PLEKHG4B: variants seen among roughly 807,000 people sequenced by gnomAD.
PLEKHG4B encodes pleckstrin homology and RhoGEF domain containing G4B, also known as pleckstrin homology domain-containing family G member 4B.
Under a neutral mutation model 121.3 loss-of-function variants are expected in PLEKHG4B, and 111 were observed. The ratio of observed to expected loss-of-function variants is 0.92; its 90% CI spans 0.78 to 1.07. PLEKHG4B has a LOEUF of 1.07. Ranked by LOEUF, PLEKHG4B falls within the 50% of genes least tolerant of loss-of-function variation. The probability of loss-of-function intolerance (pLI) is 0.00; values close to 1 mark genes in which losing one functional copy is unlikely to be tolerated. For synonymous variants in PLEKHG4B, 738 were observed against 725.0 expected, an observed-to-expected ratio of 1.02 and a Z score of -0.29; for missense variants, 1,831 against 1,757.8, an observed-to-expected ratio of 1.04 and a Z score of -0.74.
rs1579286128 is a variant in PLEKHG4B at position 145,004 on chromosome 5, G to A, written c.1905+84G>A. ...TGGGGCTGCCCACATCGTGGTTCTGGAGTAGCCAGTCCACAGGCTTAGTGT... is the reference window on the plus strand; with the variant it reads ...TGGGGCTGCCCACATCGTGGTTCTGAAGTAGCCAGTCCACAGGCTTAGTGT... On this transcript the variant is annotated intron_variant, in intron 6 of 19. Coordinates refer to ENST00000637938, the MANE Select transcript of PLEKHG4B (RefSeq NM_052909.5). 3.1e-6 allele frequency: 4 copies of A among 1,281,962 alleles called. No individual in the cohort carries two copies. The East Asian group carries it at 9.5e-5, about 30-fold the overall frequency. 79.4% of individuals were successfully genotyped at this position (1,281,962 alleles called of 1,614,324 possible).
intron 13 of PLEKHG4B, among the ~76,000 whole-genome samples, chr5:166,928 C>T (rs1020037504): frequency 1.3e-5 from 2 of 152,164 alleles, no homozygotes; most frequent in African/African-American, 2.4e-5. Context: ...TGAGCCCTTC[C>T]GAATCCGTAA....
At chr5:154,059 G>A (rs1268546040) in intron 7 of PLEKHG4B, among the ~76,000 whole-genome samples, 1 of 151,828 alleles carries the variant, frequency 6.6e-6, no homozygotes, top group East Asian at 1.9e-4. Flanking sequence ...AGGCTGGAGT[G>A]CAGTGGCATG....
At position 171,246 on chromosome 5, in the gene PLEKHG4B, C is replaced by T. The variant is rs771426071; in HGVS notation, c.3852C>T (p.Asp1284=). 8 of 1,607,748 alleles carry T rather than the reference C, an allele frequency of 5.0e-6. No individual in the cohort carries two copies. The highest frequency in any genetic ancestry group is 1.7e-5 in the Admixed American group (1 of 59,678). The change falls in exon 16 of 20, where the codon GAC becomes GAT. Residue 1284 remains aspartate, a synonymous_variant. Transcript: ENST00000637938. ...DKQRELGDKM[D]LASYLLRPVQ... ...AGCGGGAGCTAGGTGACAAAATGGA[C>T]CTGGCCTCCTACCTGCTGCGGCCCG...
At chr5:163,851 T>C (rs1313727600) in intron 13 of PLEKHG4B, among the ~76,000 whole-genome samples, 2 of 152,120 alleles carry the variant, frequency 1.3e-5, no homozygotes, top group Non-Finnish European at 2.9e-5. Flanking sequence ...TTACAGAAAA[T>C]TACAAGCAGC....
intron 7 of PLEKHG4B, among the ~76,000 whole-genome samples, chr5:152,543 T>C (rs1413462411): frequency 1.3e-5 from 2 of 152,162 alleles, no homozygotes; most frequent in African/African-American, 4.8e-5. Context: ...TGCTTTATTC[T>C]CTCTCTCTTT....
intron 18 of PLEKHG4B, among the ~76,000 whole-genome samples, chr5:178,328 A>G (rs1736825783): frequency 6.6e-6 from 1 of 152,146 alleles, no homozygotes; most frequent in African/African-American, 2.4e-5. Flanking sequence ...TGGGTGGGGG[A>G]GCCTCTCCTG....
chr5:161,704 C>A, intron 11 of PLEKHG4B, 79 bp from the exon 12 acceptor site: 1 of 1,596,180 alleles, frequency 6.3e-7, no homozygotes, highest in Non-Finnish European at 8.6e-7. Flanking sequence ...CCAGTGGCTA[C>A]ACGCAGACCC....
chr5:169,813 A>G (rs1013166300), intron 14 of PLEKHG4B, among the ~76,000 whole-genome samples: 2 of 152,228 alleles, frequency 1.3e-5, no homozygotes, highest in African/African-American at 2.4e-5. Flanking sequence ...GGTGTGACCG[A>G]CTGTGTCCCT....
rs548955063 is a variant in PLEKHG4B, at chr5:183,083, A to G, written c.*760A>G. ...ACCCACTCCCACCAGCCAGACTAGG[A>G]AAACTCCCAATCTGTGAGCATTAGG... On this transcript the variant is annotated 3_prime_UTR_variant, in exon 20 of 20. Coordinates refer to ENST00000637938, the MANE Select transcript of PLEKHG4B (RefSeq NM_052909.5). 2 of 152,358 alleles carry G rather than the reference A, an allele frequency of 1.3e-5. No homozygotes were observed. Among genetic ancestry groups the G allele is most frequent in the Admixed American group, 1.3e-4 (2 of 15,294 alleles). 9.4% of individuals were successfully genotyped at this position (152,358 alleles called of 1,614,324 possible).
intron 2 of PLEKHG4B, among the ~76,000 whole-genome samples, chr5:119,594 G>A (rs191142541): frequency 9.2e-5 from 14 of 152,136 alleles, no homozygotes; most frequent in East Asian, 7.7e-4. Flanking sequence ...CAATTGCATC[G>A]TCCTTCAAAG....
chr5:142,494 G>A (rs866397623), intron 3 of PLEKHG4B, among the ~76,000 whole-genome samples: 6 of 150,674 alleles, frequency 4.0e-5, no homozygotes, highest in Middle Eastern at 3.5e-3. Context: ...TATCACACAC[G>A]CAGTCACACC....
At chr5:98,413 T>G (rs539469977) in intron 1 of PLEKHG4B, among the ~76,000 whole-genome samples, 1 of 149,610 alleles carries the variant, frequency 6.7e-6, no homozygotes, top group Non-Finnish European at 1.5e-5. Flanking sequence ...AGTACCACAT[T>G]GTTTACTGTA....
Position 163,315 on chromosome 5 carries a change from GA to G in PLEKHG4B, c.3247del (p.Thr1083ArgfsTer31). On this transcript the variant is annotated frameshift_variant, in exon 13 of 20. Coordinates refer to ENST00000637938, the MANE Select transcript of PLEKHG4B (RefSeq NM_052909.5). LOFTEE classifies it high-confidence loss of function. ...AACATCCCCAGAAGAAAATGATAAA[GA>G]AAACGCAAAGTTTCGAGATACCTCA... ...RKHPQKKMIK[K>X]TQSFEIPQPD... The G allele has an allele frequency of 5.6e-6, 9 of 1,613,266 alleles. No individual in the cohort carries two copies. The highest frequency in any genetic ancestry group is 6.8e-6 in the Non-Finnish European group (8 of 1,179,932).
chr5:128,332 C>G (rs1734680457), intron 2 of PLEKHG4B, among the ~76,000 whole-genome samples: 1 of 152,098 alleles, frequency 6.6e-6, no homozygotes, highest in Non-Finnish European at 1.5e-5. Flanking sequence ...ATGCCAGAGT[C>G]AGATTGGAAA....
chr5:119,313 G>A (rs1358798633), intron 2 of PLEKHG4B, among the ~76,000 whole-genome samples: 1 of 152,170 alleles, frequency 6.6e-6, no homozygotes, highest in Non-Finnish European at 1.5e-5. Flanking sequence ...ACCCATTTAT[G>A]TTTAATGTTC....
chr5:139,067 GGA>G lies in PLEKHG4B; in HGVS notation c.244-414_244-413del, dbSNP rs898703627. On this transcript the variant is annotated intron_variant, in intron 2 of 19. Transcript: ENST00000637938. This position sits in a 1 kb window ranked among gnomAD's most constrained non-coding sequence, Gnocchi z 5.0. ...AGGGAGCACCGGGAGTGCAGAGGAG[GGA>G]GCCCCCCATAGGGTGGCCCTGACCA... Among the ~76,000 whole-genome samples, 24 of 152,312 alleles carry G rather than the reference GGA, an allele frequency of 1.6e-4. No homozygotes were observed. The highest frequency in any genetic ancestry group is 5.8e-4 in the African/African-American group (24 of 41,566).
chr5:140,487 G>T lies in PLEKHG4B; in HGVS notation c.1248G>T (p.Lys416Asn). Residue 416 changes from lysine to asparagine, a missense_variant, in exon 3 of 20, where the codon AAG becomes AAT. By Grantham distance (94) the Lys-to-Asn change is moderately conservative. Transcript: ENST00000637938. ...CCCAACAGACCCCAAGTCTAGAGAA[G>T]GAGAGGCACACACCCAGCCGGACAG... ...GDPQQTPSLE[K>N]ERHTPSRTGP... The T allele has an allele frequency of 1.3e-6, 2 of 1,595,584 alleles. No individual in the cohort carries two copies. Among genetic ancestry groups the T allele is most frequent in the Non-Finnish European group, 1.7e-6 (2 of 1,171,478 alleles).
chr5:135,682 A>AAAAAAAAT (rs1553985215), intron 2 of PLEKHG4B, among the ~76,000 whole-genome samples: 1 of 19,606 alleles, frequency 5.1e-5, no homozygotes, highest in Non-Finnish European at 1.0e-4. Flanking sequence ...AAAAAAAAAA[A>AAAAAAAAT]ATATATATAT....
intron 2 of PLEKHG4B, among the ~76,000 whole-genome samples, chr5:123,016 A>G (rs1393224242): frequency 3.9e-5 from 6 of 152,248 alleles, no homozygotes; most frequent in Non-Finnish European, 4.4e-5. Flanking sequence ...AAAATCGTTA[A>G]GAATATCAAA....
Sources: gnomAD v4.1 joint callset for allele counts (sites outside exome capture counted in the v4.1 genomes callset) on GRCh38, gnomAD v4.1.1 for gene constraint, Gnocchi (gnomAD v3.1) non-coding constraint, MANE v1.5 for transcripts, NCBI Gene and HGNC (gene_info 2026-07-23, HGNC 2026-07-21) for gene names.